KIF13A: variants seen among roughly 807,000 people sequenced by gnomAD.
KIF13A encodes the protein kinesin-like protein KIF13A.
A neutral mutation model predicts 212.2 loss-of-function variants in KIF13A; 79 were observed. The observed-to-expected ratio is 0.37, with a 90% CI of 0.31 to 0.45. KIF13A has a LOEUF of 0.45. Ranked by LOEUF, KIF13A falls within the 20% of genes least tolerant of loss-of-function variation. The pLI is 1.00. For synonymous variants in KIF13A, 789 were observed against 808.6 expected (o/e 0.98, Z 0.41); for missense variants, 1,901 against 2,209.0 (o/e 0.86, Z 2.79).
chr6:17,790,676 T>C (rs572287344), intron 25 of KIF13A, among the ~76,000 whole-genome samples: 1 of 152,248 alleles, frequency 6.6e-6, no homozygotes, highest in East Asian at 1.9e-4. Context: ...TAATGGCAGG[T>C]CAGAACTGTA....
In KIF13A at chr6:17,787,652, A is replaced by AAAC. The variant is rs368112451; in HGVS notation, c.3361+121_3361+123dup. 384 of 572,818 alleles carry AAAC rather than the reference A, an allele frequency of 6.7e-4. 1 individual carries two copies. Among genetic ancestry groups the AAAC allele is most frequent in the South Asian group, 3.9e-3 (193 of 49,528 alleles). 35.5% of individuals were successfully genotyped at this position (572,818 alleles called of 1,614,324 possible). Reference sequence around the variant, plus strand: ...GGTGACAGAGTGAGACCCTGTCTTAAAACAACAACAACAACAACAACAAAA... The same window carrying AAAC: ...GGTGACAGAGTGAGACCCTGTCTTAAAACAACAACAACAACAACAACAACAAAA... On this transcript the variant is annotated intron_variant, in intron 27 of 38. Transcript: ENST00000259711. This position sits in a 1 kb window ranked among gnomAD's most constrained non-coding sequence, Gnocchi z 4.6.
rs1241776274 is a variant in KIF13A, at chr6:17,849,044, A to G, written c.830+333T>C. ...GCGATTCTCCTGCATTAGTCTCCCA[A>G]GTAGCTGGGGTTACCGGTGTGCGTG... is the stretch of plus-strand genomic sequence containing the variant. On this transcript the variant is annotated intron_variant, in intron 9 of 38. Coordinates refer to ENST00000259711, the MANE Select transcript of KIF13A (RefSeq NM_022113.6). The surrounding 1 kb of genome is among the most constrained non-coding windows in gnomAD (Gnocchi z 5.7). Among the ~76,000 whole-genome samples, 6 of 152,084 alleles carry G rather than the reference A, an allele frequency of 3.9e-5. No individual in the cohort carries two copies. Among genetic ancestry groups the G allele is most frequent in the African/African-American group, 1.4e-4 (6 of 41,414 alleles).
At chr6:17,896,742 T>A (rs1463803895) in intron 3 of KIF13A, among the ~76,000 whole-genome samples, 1 of 152,164 alleles carries the variant, frequency 6.6e-6, no homozygotes, top group East Asian at 1.9e-4. Context: ...TACAAAGCAA[T>A]AGTGGTTTTT....
In KIF13A at chr6:17,828,235, C is replaced by T; in HGVS notation, c.1532+5G>A. On this transcript the variant is annotated splice_donor_5th_base_variant and intron_variant, in intron 14 of 38. Coordinates refer to ENST00000259711, the MANE Select transcript of KIF13A (RefSeq NM_022113.6). The surrounding 1 kb of genome is among the most constrained non-coding windows in gnomAD (Gnocchi z 4.3). ...ACACGTGAAGTCACCATTTACTTTT[C>T]TTACCTTGCATTTTCTTTTGGAGTG... 6.2e-7 allele frequency: 1 copy of T among 1,609,436 alleles called. No homozygotes were observed. The highest frequency in any genetic ancestry group is 1.3e-5 in the African/African-American group (1 of 74,986).
rs1475754446 is a variant in KIF13A at position 17,789,213 on chromosome 6, A to G, written c.3261+659T>C. On this transcript the variant is annotated intron_variant, in intron 26 of 38. Transcript: ENST00000259711. This position sits in a 1 kb window ranked among gnomAD's most constrained non-coding sequence, Gnocchi z 4.8. ...TCAGTGCTGACTAGGTACAATCTCAATTTGCACATCTATATATTTTTTCTA... is the reference window on the plus strand; with the variant it reads ...TCAGTGCTGACTAGGTACAATCTCAGTTTGCACATCTATATATTTTTTCTA... 6.6e-6 allele frequency among the ~76,000 whole-genome samples: 1 copy of G among 152,160 alleles called. No individual in the cohort carries two copies. Among genetic ancestry groups the G allele is most frequent in the Non-Finnish European group, 1.5e-5 (1 of 68,032 alleles).
chr6:17,886,891 G>GAA lies in KIF13A; in HGVS notation c.159+11275_159+11276dup, dbSNP rs879513996. 1.4e-5 allele frequency among the ~76,000 whole-genome samples: 2 copies of GAA among 141,110 alleles called. No individual in the cohort carries two copies. Among genetic ancestry groups the GAA allele is most frequent in the African/African-American group, 5.2e-5 (2 of 38,714 alleles). The allele number at this position is 141,110 out of a possible 152,430, so 92.6% of individuals were successfully genotyped here. On this transcript the variant is annotated intron_variant, in intron 3 of 38. Transcript: ENST00000259711. This position sits in a 1 kb window ranked among gnomAD's most constrained non-coding sequence, Gnocchi z 5.6. Reference sequence around the variant, plus strand: ...GTTTTGTTGTCGTTGTTAAAAAGAGGAAAAAAAAAAAAGTCTTGGGAAATT... The same window carrying GAA: ...GTTTTGTTGTCGTTGTTAAAAAGAGGAAAAAAAAAAAAAAGTCTTGGGAAATT...
At position 17,832,630 on chromosome 6, in the gene KIF13A, T is replaced by G. The variant is rs540384465; in HGVS notation, c.1266+1331A>C. On this transcript the variant is annotated intron_variant, in intron 12 of 38. Transcript: ENST00000259711. ...TCCAGCCTGGGTGACAAAGCAAGAC[T>G]CCATCTCAATAAAAAATTAAATAAA... Among the ~76,000 whole-genome samples the G allele has an allele frequency of 4.6e-5, 7 of 151,146 alleles. No homozygotes were observed. The South Asian group carries it at 1.5e-3, about 32-fold the overall frequency.
chr6:17,937,076 C>A (rs1301428143), intron 2 of KIF13A, among the ~76,000 whole-genome samples: 1 of 152,122 alleles, frequency 6.6e-6, no homozygotes, highest in African/African-American at 2.4e-5. Context: ...TACTTGCAGA[C>A]TGATGTGGAA....
In KIF13A at chr6:17,906,456, T is replaced by C. The variant is rs76999083; in HGVS notation, c.147-8276A>G. On this transcript the variant is annotated intron_variant, in intron 2 of 38. Transcript: ENST00000259711. ...TCCCTTTTTCTCTTTCTTTCTTCTT[T>C]TTTTTTTTTTTGGAGGAGATCTCAC... is the stretch of plus-strand genomic sequence containing the variant. Among the ~76,000 whole-genome samples, 170 of 145,804 alleles carry C rather than the reference T, an allele frequency of 1.2e-3. 2 individuals are homozygous for C. The highest frequency in any genetic ancestry group is 3.8e-3 in the African/African-American group (153 of 39,942).
intron 25 of KIF13A, among the ~76,000 whole-genome samples, chr6:17,792,270 TTGATGACCCA>T (rs1050612490): frequency 9.9e-5 from 15 of 151,548 alleles, no homozygotes; most frequent in African/African-American, 2.7e-4. Context: ...ATTTAGTTAG[TTGATGACCCA>T]TATACTTATA....
chr6:17,778,738 C>T (rs576226567), intron 33 of KIF13A, among the ~76,000 whole-genome samples: 2 of 152,244 alleles, frequency 1.3e-5, no homozygotes, highest in Admixed American at 6.5e-5. Context: ...ATTACTCAGG[C>T]TCAGTGCTTG....
At chr6:17,804,587 C>T (rs1762769124) in intron 19 of KIF13A, 77 bp from the exon 20 acceptor site, 2 of 1,278,552 alleles carry the variant, frequency 1.6e-6, no homozygotes, top group Admixed American at 3.1e-5. Context: ...TTAAAACTAG[C>T]ATTTGAAAAA....
rs1459501990 is a variant in KIF13A, at chr6:17,850,375, T to C, written c.665A>G (p.His222Arg). The change falls in exon 8 of 39, where the codon CAT (histidine) becomes CGT (arginine). Residue 222 changes from histidine (H) to arginine (R), a missense_variant. This residue lies in a region of KIF13A where 506 missense variants were observed against 637.4 expected (regional missense o/e 0.79). Coordinates refer to ENST00000259711, the MANE Select transcript of KIF13A (RefSeq NM_022113.6). The surrounding 1 kb of genome is among the most constrained non-coding windows in gnomAD (Gnocchi z 6.2). ...TGTGATTATGATGTTGAACACAGCATGGGAGCGGCTGCTTTCTTCGTTCAT... is the reference window on the plus strand; with the variant it reads ...TGTGATTATGATGTTGAACACAGCACGGGAGCGGCTGCTTTCTTCGTTCAT... ...TNMNEESSRS[H>R]AVFNIIITQT... 1.2e-6 allele frequency: 2 copies of C among 1,613,962 alleles called. No individual in the cohort carries two copies. Among genetic ancestry groups the C allele is most frequent in the Admixed American group, 1.7e-5 (1 of 60,010 alleles).
At chr6:17,970,431 T>C (rs1245000809) in intron 2 of KIF13A, among the ~76,000 whole-genome samples, 128 of 152,150 alleles carry the variant, frequency 8.4e-4, no homozygotes, top group Non-Finnish European at 1.6e-4. Context: ...GGTGAAACCC[T>C]GTCTCTACTA....
Position 17,825,710 on chromosome 6 carries a change from T to C in KIF13A, c.1786+58A>G. ...CACCTGATGCATGCTTATCCCTCAC[T>C]GAATGGTGTGAGGTGAGGAAATGCC... On this transcript the variant is annotated intron_variant, in intron 16 of 38. Coordinates refer to ENST00000259711, the MANE Select transcript of KIF13A (RefSeq NM_022113.6). This position sits in a 1 kb window ranked among gnomAD's most constrained non-coding sequence, Gnocchi z 4.5. The C allele has an allele frequency of 1.4e-6, 2 of 1,454,136 alleles. No homozygotes were observed. Among genetic ancestry groups the C allele is most frequent in the East Asian group, 2.3e-5 (1 of 43,894 alleles). The allele number at this position is 1,454,136 out of a possible 1,614,324, so 90.1% of individuals were successfully genotyped here. A position where few individuals can be genotyped will look rare whatever the true frequency, so the allele number is the denominator to read the frequency against.
chr6:17,975,098 C>T (rs1780202231), intron 2 of KIF13A, among the ~76,000 whole-genome samples: 2 of 152,116 alleles, frequency 1.3e-5, no homozygotes, highest in Admixed American at 1.3e-4. Context: ...AATCCCAGAA[C>T]TTTGAGAGAA....
chr6:17,774,967 C>A, intron 35 of KIF13A, 48 bp downstream of exon 35: 1 of 1,471,452 alleles, frequency 6.8e-7, no homozygotes, highest in Non-Finnish European at 9.4e-7. Context: ...CCACAACTTT[C>A]CAGACTAAGA....
chr6:17,952,954 G>T (rs1178322125), intron 2 of KIF13A, among the ~76,000 whole-genome samples: 1 of 151,542 alleles, frequency 6.6e-6, no homozygotes. Context: ...GAAGCGAAGC[G>T]AAGAGGGGAA....
chr6:17,853,904 A>G (rs1581531645), intron 6 of KIF13A, among the ~76,000 whole-genome samples: 2 of 151,904 alleles, frequency 1.3e-5, no homozygotes, highest in South Asian at 4.1e-4. Context: ...CCATTTATTT[A>G]TTTATTTATT....
Sources: gnomAD v4.1 joint callset for allele counts (sites outside exome capture counted in the v4.1 genomes callset) on GRCh38, gnomAD v4.1.1 for gene constraint, gnomAD v4.1.1 regional missense constraint, Gnocchi (gnomAD v3.1) non-coding constraint, MANE v1.5 for transcripts, NCBI Gene and HGNC (gene_info 2026-07-23, HGNC 2026-07-21) for gene names.